Variants in GRM5 observed in about 807,000 individuals in gnomAD.
GRM5 encodes the protein metabotropic glutamate receptor 5.
Under a neutral mutation model 83.1 loss-of-function variants are expected in GRM5, and 19 were observed. The ratio of observed to expected loss-of-function variants is 0.23; its 90% CI spans 0.16 to 0.34. The LOEUF (loss-of-function observed/expected upper bound fraction) is 0.34. Ranked by LOEUF, GRM5 falls within the 10% of genes least tolerant of loss-of-function variation. The pLI, the probability that GRM5 is intolerant of heterozygous loss-of-function variation, is 1.00. For missense variants in GRM5, 1,160 were observed against 1,588.3 expected, an observed-to-expected ratio of 0.73 and a Z score of 4.58; for synonymous variants, 675 against 633.6, an observed-to-expected ratio of 1.07 and a Z score of -0.98.
intron 2 of GRM5, among the ~76,000 whole-genome samples, chr11:88,879,274 G>A (rs1190110984): frequency 6.6e-6 from 1 of 151,918 alleles, no homozygotes; most frequent in East Asian, 1.9e-4. Flanking sequence ...CAAACTGGGA[G>A]GAAGTATCTG....
chr11:88,801,170 A>C (rs1028564585), intron 3 of GRM5, among the ~76,000 whole-genome samples: 4 of 152,122 alleles, frequency 2.6e-5, no homozygotes, highest in Non-Finnish European at 2.9e-5. Flanking sequence ...TTTAAGTTCC[A>C]AAATTTTCTC....
At chr11:88,783,997 C>T (rs370068633) in intron 3 of GRM5, among the ~76,000 whole-genome samples, 44 of 152,016 alleles carry the variant, frequency 2.9e-4, no homozygotes, top group African/African-American at 9.4e-4. Context: ...AGCCTCATAC[C>T]AGCTTATAGG....
intron 2 of GRM5, chr11:88,912,085 T>G (rs562540238): frequency 1.5e-5 from 7 of 457,964 alleles, no homozygotes; most frequent in South Asian, 9.7e-5. Context: ...GGAACGTGTA[T>G]CTGTATAACT....
chr11:88,651,144 A>T (rs543675130), intron 4 of GRM5, among the ~76,000 whole-genome samples: 1 of 152,158 alleles, frequency 6.6e-6, no homozygotes, highest in South Asian at 2.1e-4. Context: ...GATTTTACAG[A>T]ACGGTTTCCA....
At chr11:89,054,630 C>A (rs1264225704) in intron 1 of GRM5, among the ~76,000 whole-genome samples, 1 of 151,994 alleles carries the variant, frequency 6.6e-6, no homozygotes, top group Non-Finnish European at 1.5e-5. Context: ...AGGTTGTGCC[C>A]CAGGGAATTC....
chr11:88,784,823 T>C (rs780227708), intron 3 of GRM5, among the ~76,000 whole-genome samples: 1 of 152,052 alleles, frequency 6.6e-6, no homozygotes, highest in Admixed American at 6.6e-5. Context: ...GCTGCCCGTC[T>C]TTGGGAATGT....
intron 2 of GRM5, among the ~76,000 whole-genome samples, chr11:89,022,584 G>A (rs1394962338): frequency 3.9e-5 from 6 of 152,228 alleles, no homozygotes; most frequent in East Asian, 1.9e-4. Context: ...CCTGGGAGGC[G>A]GGGATTGCAG....
intron 2 of GRM5, among the ~76,000 whole-genome samples, chr11:88,886,702 G>A (rs1945049380): frequency 6.6e-6 from 1 of 152,108 alleles, no homozygotes; most frequent in South Asian, 2.1e-4. Context: ...TGACTACCCT[G>A]ATGAGATGTC....
At chr11:88,543,489 C>T (rs12362215) in intron 8 of GRM5, among the ~76,000 whole-genome samples, 1,775 of 151,636 alleles carry the variant, frequency 0.012, 13 homozygotes, top group Non-Finnish European at 0.015. Flanking sequence ...GTGAGTGGGG[C>T]CTGGCAAGAC....
chr11:88,581,906 T>C (rs749136646), intron 7 of GRM5, among the ~76,000 whole-genome samples: 6 of 152,224 alleles, frequency 3.9e-5, no homozygotes, highest in Non-Finnish European at 5.9e-5. Flanking sequence ...AATTCATTTC[T>C]GCTTTACCTG....
chr11:88,998,163 A>G (rs961208707), intron 2 of GRM5, among the ~76,000 whole-genome samples: 13 of 152,060 alleles, frequency 8.5e-5, no homozygotes, highest in Non-Finnish European at 1.6e-4. Flanking sequence ...CCTTGCAAAT[A>G]TAACCACAAA....
intron 5 of GRM5, among the ~76,000 whole-genome samples, chr11:88,601,842 G>A (rs1471754647): frequency 6.6e-6 from 1 of 152,106 alleles, no homozygotes; most frequent in African/African-American, 2.4e-5. Flanking sequence ...TAGGCTTTGA[G>A]ATGGTTTCTA....
At chr11:88,604,367 A>G (rs1938083188) in intron 5 of GRM5, among the ~76,000 whole-genome samples, 1 of 152,202 alleles carries the variant, frequency 6.6e-6, no homozygotes, top group African/African-American at 2.4e-5. Flanking sequence ...GAATAGTTCT[A>G]TTATGCAAGA....
chr11:89,019,612 C>T (rs867228553), intron 2 of GRM5, among the ~76,000 whole-genome samples: 64 of 151,692 alleles, frequency 4.2e-4, no homozygotes, highest in Non-Finnish European at 2.7e-4. Context: ...GGTTGAGGCA[C>T]GAGAATCACT....
intron 3 of GRM5, among the ~76,000 whole-genome samples, chr11:88,798,179 A>T (rs752423948): frequency 6.6e-6 from 1 of 152,112 alleles, no homozygotes; most frequent in African/African-American, 2.4e-5. Flanking sequence ...CTTTTACCTA[A>T]TCAGTGTTGA....
At chr11:88,917,959 C>G (rs186074924) in intron 2 of GRM5, among the ~76,000 whole-genome samples, 1 of 151,828 alleles carries the variant, frequency 6.6e-6, no homozygotes, top group Admixed American at 6.6e-5. Context: ...AGAAATATAT[C>G]AATATTTAAG....
chr11:88,533,271 C>G (rs1418212931), intron 8 of GRM5, among the ~76,000 whole-genome samples: 1 of 152,180 alleles, frequency 6.6e-6, no homozygotes, highest in Non-Finnish European at 1.5e-5. Context: ...CAATGATCTT[C>G]TTGTTGCTTG....
At chr11:88,517,815 T>C (rs1941562838) in intron 9 of GRM5, among the ~76,000 whole-genome samples, 1 of 152,122 alleles carries the variant, frequency 6.6e-6, no homozygotes, top group Non-Finnish European at 1.5e-5. Flanking sequence ...AATTACAAGC[T>C]AGCAAATCTA....
rs1194235848 is a variant in GRM5 at position 88,567,403 on chromosome 11, C to T, written c.2280G>A (p.Lys760=). 1 of 1,613,924 alleles carries T rather than the reference C, an allele frequency of 6.2e-7. No individual in the cohort carries two copies. Among genetic ancestry groups the T allele is most frequent in the East Asian group, 2.2e-5 (1 of 44,890 alleles). ...TGAAGTTAGCTGGAACATTTCTGGT[C>T]TTGAACGCATAGAAGGTGCAGCTCA... The part of the protein sequence containing the change: ...LILSCTFYAF[K]TRNVPANFNE... The change falls in exon 8 of 10, where the codon AAG becomes AAA. Residue 760 remains lysine (K), a synonymous_variant. Coordinates refer to ENST00000305447, the MANE Select transcript of GRM5 (RefSeq NM_001143831.3). The surrounding 1 kb of genome is among the most constrained non-coding windows in gnomAD (Gnocchi z 7.3).
Sources: gnomAD v4.1 joint callset for allele counts (sites outside exome capture counted in the v4.1 genomes callset) on GRCh38, gnomAD v4.1.1 for gene constraint, Gnocchi (gnomAD v3.1) non-coding constraint, MANE v1.5 for transcripts, NCBI Gene and HGNC (gene_info 2026-07-23, HGNC 2026-07-21) for gene names.